The following PTPRD variants were observed in gnomAD, a reference collection of about 807,000 sequenced individuals.
PTPRD encodes the protein receptor-type tyrosine-protein phosphatase delta.
PTPRD carries 34 observed loss-of-function variants against 214.5 expected under a neutral mutation model. The ratio of observed to expected loss-of-function variants is 0.16; its 90% CI spans 0.12 to 0.21. The LOEUF (loss-of-function observed/expected upper bound fraction) is 0.21. Ranked by LOEUF, PTPRD falls within the 10% of genes least tolerant of loss-of-function variation. PTPRD has a pLI of 1.00. For missense variants in PTPRD, 2,545 were observed against 2,398.7 expected (o/e 1.06, Z -1.27); for synonymous variants, 1,128 against 845.7 (o/e 1.33, Z -5.79).
Position 10,528,389 on chromosome 9 carries a change from A to G in PTPRD, c.-600+84009T>C, listed in dbSNP as rs546996807. On this transcript the variant is annotated intron_variant, in intron 2 of 45. Transcript: ENST00000381196. ...CAGAGTAAACTGAGTTCACATATAT[A>G]AATGCTTCAAACAGTACCTGACACA... 2.4e-4 allele frequency among the ~76,000 whole-genome samples: 37 copies of G among 152,206 alleles called. No individual in the cohort carries two copies. The South Asian group carries it at 7.7e-3, about 32-fold the overall frequency.
At chr9:9,501,657 T>A (rs2096419001) in intron 8 of PTPRD, among the ~76,000 whole-genome samples, 2 of 151,938 alleles carry the variant, frequency 1.3e-5, no homozygotes, top group Non-Finnish European at 2.9e-5. Context: ...GACTACAGAC[T>A]GGGCAATACC....
chr9:9,817,639 A>G (rs1338846909), intron 5 of PTPRD, among the ~76,000 whole-genome samples: 1 of 152,132 alleles, frequency 6.6e-6, no homozygotes, highest in African/African-American at 2.4e-5. Context: ...TCTTATTTAC[A>G]TTATTTTTGT....
chr9:8,860,581 C>T (rs2098084076), intron 11 of PTPRD: 1 of 152,192 alleles, frequency 6.6e-6, no homozygotes, highest in Admixed American at 6.5e-5. Flanking sequence ...CAAAGTTTCT[C>T]TGCACATCTG....
chr9:9,444,678 G>C (rs189229848), intron 8 of PTPRD, among the ~76,000 whole-genome samples: 8 of 152,198 alleles, frequency 5.3e-5, no homozygotes, highest in Admixed American at 1.3e-4. Flanking sequence ...AGGAGTTACA[G>C]GTAATAAAAA....
intron 3 of PTPRD, among the ~76,000 whole-genome samples, chr9:10,203,879 A>G (rs1162531991): frequency 2.0e-5 from 3 of 152,168 alleles, no homozygotes; most frequent in Non-Finnish European, 2.9e-5. Context: ...CCTATAAATT[A>G]TAAAGATTAG....
At chr9:8,954,821 A>G (rs767998551) in intron 11 of PTPRD, among the ~76,000 whole-genome samples, 6 of 152,058 alleles carry the variant, frequency 3.9e-5, no homozygotes, top group Non-Finnish European at 7.4e-5. Flanking sequence ...TAAAGATTGC[A>G]TTGAAGAAAA....
intron 5 of PTPRD, chr9:9,803,643 G>A (rs543244438): frequency 1.4e-4 from 21 of 151,948 alleles, no homozygotes; most frequent in African/African-American, 5.1e-4. Context: ...TCTCTGCCTG[G>A]TATACCAATG....
chr9:9,355,619 G>C (rs2053467260), intron 9 of PTPRD, among the ~76,000 whole-genome samples: 1 of 151,452 alleles, frequency 6.6e-6, no homozygotes, highest in African/African-American at 2.4e-5. Flanking sequence ...TATTCAAGTG[G>C]ATAAGTCAAG....
At chr9:9,059,088 C>G (rs1159400042) in intron 10 of PTPRD, among the ~76,000 whole-genome samples, 3 of 152,034 alleles carry the variant, frequency 2.0e-5, no homozygotes, top group Non-Finnish European at 4.4e-5. Flanking sequence ...AAGTTTGGAA[C>G]AGAGGCAGTG....
intron 31 of PTPRD, among the ~76,000 whole-genome samples, chr9:8,469,195 C>A (rs559089919): frequency 1.3e-5 from 2 of 152,078 alleles, no homozygotes; most frequent in South Asian, 4.1e-4. Context: ...AATTTAATTG[C>A]AAGAAAGTTC....
At chr9:8,953,362 G>C (rs974290484) in intron 11 of PTPRD, among the ~76,000 whole-genome samples, 1 of 151,890 alleles carries the variant, frequency 6.6e-6, no homozygotes, top group Admixed American at 6.6e-5. Flanking sequence ...ATTAACTAAG[G>C]ATGGATTAAA....
At chr9:8,481,690 AT>A (rs2096889596) in intron 30 of PTPRD, among the ~76,000 whole-genome samples, 1 of 151,706 alleles carries the variant, frequency 6.6e-6, no homozygotes, top group Non-Finnish European at 1.5e-5. Context: ...TTTGCTTCAC[AT>A]TTTCCCCTCA....
chr9:9,146,484 A>G lies in PTPRD; in HGVS notation c.-143+36820T>C, dbSNP rs563554276. 1.8e-4 allele frequency among the ~76,000 whole-genome samples: 27 copies of G among 152,200 alleles called. 1 individual carries two copies. In the South Asian group the frequency reaches 4.3e-3, roughly 25 times the overall value. ...CCAGGTTATTCTTATGTACACTAAA[A>G]TTTGAGCACCAGTGTAATAGGATTT... On this transcript the variant is annotated intron_variant, in intron 10 of 45. Transcript: ENST00000381196.
chr9:8,785,923 A>C (rs1156243532), intron 11 of PTPRD, among the ~76,000 whole-genome samples: 1 of 152,158 alleles, frequency 6.6e-6, no homozygotes, highest in Non-Finnish European at 1.5e-5. Flanking sequence ...ACAAAAGCAA[A>C]ATCTTTTTCC....
chr9:9,137,924 A>G (rs934818869), intron 10 of PTPRD, among the ~76,000 whole-genome samples: 1 of 152,098 alleles, frequency 6.6e-6, no homozygotes, highest in Non-Finnish European at 1.5e-5. Flanking sequence ...TAATATTTTG[A>G]CTTTCCCCAA....
intron 9 of PTPRD, among the ~76,000 whole-genome samples, chr9:9,370,794 C>G (rs2059266213): frequency 1.3e-5 from 2 of 152,012 alleles, no homozygotes; most frequent in African/African-American, 4.8e-5. Context: ...CCATCAATAC[C>G]TAATTTATTG....
intron 9 of PTPRD, among the ~76,000 whole-genome samples, chr9:9,346,460 A>G (rs1053326307): frequency 6.6e-6 from 1 of 152,168 alleles, no homozygotes; most frequent in African/African-American, 2.4e-5. Flanking sequence ...ATGCAATTAA[A>G]CAACTCTATA....
chr9:9,069,376 T>G (rs1299996382), intron 10 of PTPRD, among the ~76,000 whole-genome samples: 1 of 152,192 alleles, frequency 6.6e-6, no homozygotes, highest in Non-Finnish European at 1.5e-5. Context: ...TTTCATACAT[T>G]CATGACTTAA....
chr9:8,655,650 C>A (rs1477399176), intron 12 of PTPRD, among the ~76,000 whole-genome samples: 1 of 151,876 alleles, frequency 6.6e-6, no homozygotes, highest in African/African-American at 2.4e-5. Flanking sequence ...CCAGCAGAGC[C>A]CCTGGAAATG....
Sources: allele counts gnomAD v4.1 joint callset (sites outside exome capture counted in the v4.1 genomes callset), GRCh38; gene constraint gnomAD v4.1.1; transcripts MANE v1.5; gene names NCBI Gene and HGNC (gene_info 2026-07-23, HGNC 2026-07-21).